The following CFH variants were observed in gnomAD, a reference collection of about 807,000 sequenced individuals.
CFH encodes H factor 1 (complement).
A neutral mutation model predicts 147.3 loss-of-function variants in CFH; 53 were observed. The ratio of observed to expected loss-of-function variants is 0.36; its 90% CI spans 0.29 to 0.45. The LOEUF is 0.45. CFH is among the 20% of genes least tolerant of loss of function. The pLI, the probability that CFH is intolerant of heterozygous loss-of-function variation, is 1.00. For missense variants in CFH, 1,380 were observed against 1,498.0 expected, an observed-to-expected ratio of 0.92 and a Z score of 1.30; for synonymous variants, 536 against 489.4, an observed-to-expected ratio of 1.10 and a Z score of -1.26.
At chr1:196,658,779 A>G (rs548757174) in intron 1 of CFH, among the ~76,000 whole-genome samples, 3 of 152,152 alleles carry the variant, frequency 2.0e-5, no homozygotes, top group Non-Finnish European at 4.4e-5. Context: ...CACGTTGCCC[A>G]GGCTGGTCTT....
chr1:196,724,770 T>C (rs1462824477), intron 11 of CFH, among the ~76,000 whole-genome samples: 2 of 152,198 alleles, frequency 1.3e-5, no homozygotes, highest in East Asian at 3.9e-4. Flanking sequence ...CTGGTCTATA[T>C]GCACTTTTCT....
intron 1 of CFH, among the ~76,000 whole-genome samples, chr1:196,663,075 T>C (rs573436784): frequency 6.6e-6 from 1 of 152,332 alleles, no homozygotes; most frequent in South Asian, 2.1e-4. Context: ...TCTAACAAGG[T>C]TAAGATATTT....
chr1:196,713,659 A>G (rs1668775190), intron 9 of CFH, 76 bp from the exon 10 acceptor site: 8 of 942,112 alleles, frequency 8.5e-6, no homozygotes, highest in Non-Finnish European at 1.1e-5. Flanking sequence ...TATTTTTTAT[A>G]TTTACATATT....
At chr1:196,742,618 T>C (rs1285537183) in intron 19 of CFH, among the ~76,000 whole-genome samples, 1 of 152,162 alleles carries the variant, frequency 6.6e-6, no homozygotes. Flanking sequence ...CATCATCTTC[T>C]TGGAGATTGT....
intron 2 of CFH, 78 bp from the exon 3 acceptor site, chr1:196,673,779 A>G: frequency 3.4e-6 from 3 of 875,832 alleles, no homozygotes; most frequent in Non-Finnish European, 5.9e-6. Flanking sequence ...AATATCAAAT[A>G]TACTTGTTCC....
intron 9 of CFH, among the ~76,000 whole-genome samples, chr1:196,707,200 T>A (rs928034924): frequency 2.0e-5 from 3 of 152,112 alleles, no homozygotes; most frequent in Non-Finnish European, 2.9e-5. Flanking sequence ...GCCAAGAAAC[T>A]AACAACCTGG....
intron 6 of CFH, among the ~76,000 whole-genome samples, chr1:196,681,172 T>C (rs548108478): frequency 6.6e-6 from 1 of 152,032 alleles, no homozygotes; most frequent in Admixed American, 6.6e-5. Context: ...ATAAACCACT[T>C]ATTTTACATC....
intron 15 of CFH, among the ~76,000 whole-genome samples, chr1:196,729,617 G>T (rs905588305): frequency 6.6e-6 from 1 of 151,906 alleles, no homozygotes; most frequent in Non-Finnish European, 1.5e-5. Context: ...GAATGAGTTA[G>T]AAAAATGATC....
chr1:196,716,520 A>T (rs1298875742), intron 11 of CFH, among the ~76,000 whole-genome samples: 2 of 152,150 alleles, frequency 1.3e-5, no homozygotes, highest in African/African-American at 4.8e-5. Flanking sequence ...GTTTTGTTGG[A>T]TTGTTTTCCT....
Position 196,689,520 on chromosome 1 carries a change from T to C in CFH, c.1065T>C (p.Tyr355=). Residue 355 remains tyrosine (Y), a synonymous_variant, in exon 8 of 22, where the codon TAT becomes TAC. Coordinates refer to ENST00000367429, the MANE Select transcript of CFH (RefSeq NM_000186.4). The part of the protein sequence containing the change: ...FPVAVGKYYS[Y]YCDEHFETPS... ...TAGCTGTAGGAAAATATTACTCCTATTACTGTGATGAACATTTTGAGACTC... is the reference window on the plus strand; with the variant it reads ...TAGCTGTAGGAAAATATTACTCCTACTACTGTGATGAACATTTTGAGACTC... 1 of 1,613,600 alleles carries C rather than the reference T, an allele frequency of 6.2e-7. No homozygotes were observed. Among genetic ancestry groups the C allele is most frequent in the Non-Finnish European group, 8.5e-7 (1 of 1,179,688 alleles).
intron 11 of CFH, 117 bp downstream of exon 11, chr1:196,715,886 T>C (rs1668859367): frequency 1.2e-6 from 1 of 827,634 alleles, no homozygotes; most frequent in African/African-American, 1.7e-5. Context: ...AATCAAGATA[T>C]CTCCTGATTT....
At chr1:196,690,623 T>C (rs34331968) in intron 9 of CFH, among the ~76,000 whole-genome samples, 65,550 of 151,716 alleles carry the variant, frequency 0.43, 15,794 homozygotes, top group East Asian at 0.87. Context: ...ACAGGTTTAA[T>C]AGGCAAAAGA....
chr1:196,661,343 T>C (rs1164650456), intron 1 of CFH, among the ~76,000 whole-genome samples: 4 of 152,246 alleles, frequency 2.6e-5, no homozygotes, highest in Admixed American at 6.5e-5. Flanking sequence ...ACCATGTTAA[T>C]GGGCACTTCT....
At chr1:196,746,719 A>T (rs1653021439) in intron 21 of CFH, among the ~76,000 whole-genome samples, 1 of 152,286 alleles carries the variant, frequency 6.6e-6, no homozygotes. Flanking sequence ...AAACAATACA[A>T]TATTATTAGC....
intron 9 of CFH, chr1:196,690,490 T>C (rs1430020329): frequency 1.1e-5 from 6 of 533,770 alleles, no homozygotes; most frequent in Non-Finnish European, 1.3e-5. Context: ...TTGAACACAA[T>C]ACTTGTTGGT....
intron 1 of CFH, among the ~76,000 whole-genome samples, chr1:196,671,873 G>A (rs938341618): frequency 6.7e-6 from 1 of 149,308 alleles, no homozygotes; most frequent in Non-Finnish European, 1.5e-5. Flanking sequence ...CAGCAGAAAA[G>A]TGAACATATA....
chr1:196,704,547 G>A (rs185218248), intron 9 of CFH, among the ~76,000 whole-genome samples: 3 of 152,342 alleles, frequency 2.0e-5, no homozygotes, highest in African/African-American at 7.2e-5. Flanking sequence ...CTGCACCCCT[G>A]AAGAGATACT....
At chr1:196,668,067 T>C (rs1667156446) in intron 1 of CFH, among the ~76,000 whole-genome samples, 1 of 152,154 alleles carries the variant, frequency 6.6e-6, no homozygotes, top group Non-Finnish European at 1.5e-5. Flanking sequence ...GTCAAGGCTC[T>C]TTTTTATTTG....
At chr1:196,744,984 T>C (rs1652950032) in intron 20 of CFH, among the ~76,000 whole-genome samples, 1 of 152,140 alleles carries the variant, frequency 6.6e-6, no homozygotes, top group Non-Finnish European at 1.5e-5. Flanking sequence ...AGTTGACAGT[T>C]CTTTGAACAC....
Sources: gnomAD v4.1 joint callset for allele counts (sites outside exome capture counted in the v4.1 genomes callset) on GRCh38, gnomAD v4.1.1 for gene constraint, MANE v1.5 for transcripts, NCBI Gene and HGNC (gene_info 2026-07-23, HGNC 2026-07-21) for gene names.